The following SLC8A1 variants were observed in gnomAD, a reference collection of about 807,000 sequenced individuals.
SLC8A1 encodes the protein sodium/calcium exchanger 1.
In SLC8A1, 18 loss-of-function variants were observed where a neutral mutation model predicts 68.3. The observed-to-expected ratio is 0.26, with a 90% confidence interval of 0.18 to 0.39. The LOEUF is 0.39. Among genes scored for constraint, SLC8A1 ranks in the 10% least tolerant of loss-of-function variants. The probability of loss-of-function intolerance (pLI) is 1.00; values close to 1 mark genes in which losing one functional copy is unlikely to be tolerated. For missense variants in SLC8A1, 985 were observed against 1,156.7 expected (o/e 0.85, Z 2.15); for synonymous variants, 475 against 415.5 (o/e 1.14, Z -1.74).
chr2:40,435,183 T>C (rs970303422), intron 1 of SLC8A1, among the ~76,000 whole-genome samples: 1 of 152,204 alleles, frequency 6.6e-6, no homozygotes, highest in African/African-American at 2.4e-5. Flanking sequence ...CCCTTCTATG[T>C]AATTCTTGCT....
chr2:40,222,201 G>C (rs1318483268), intron 2 of SLC8A1, among the ~76,000 whole-genome samples: 1 of 152,106 alleles, frequency 6.6e-6, no homozygotes, highest in African/African-American at 2.4e-5. Flanking sequence ...GAACAGAACA[G>C]AGGCCTCAGA....
At chr2:40,103,506 C>CT (rs1451862519) in exon 8 of SLC8A1, 16 of 152,200 alleles carry the variant, frequency 1.1e-4, no homozygotes, top group Admixed American at 9.8e-4. Flanking sequence ...ATCTTTCTGC[C>CT]TGGTCATTGC....
intron 2 of SLC8A1, among the ~76,000 whole-genome samples, chr2:40,278,621 C>T (rs1223980385): frequency 2.0e-5 from 3 of 152,148 alleles, no homozygotes; most frequent in Admixed American, 6.5e-5. Context: ...CGACATACCT[C>T]AGTGTGAGAG....
At chr2:40,387,452 G>T (rs1480245695) in intron 2 of SLC8A1, among the ~76,000 whole-genome samples, 1 of 150,990 alleles carries the variant, frequency 6.6e-6, no homozygotes, top group Non-Finnish European at 1.5e-5. Flanking sequence ...CATAATTTTT[G>T]CAAAGCTAAT....
intron 2 of SLC8A1, among the ~76,000 whole-genome samples, chr2:40,228,420 C>A (rs764491165): frequency 6.6e-6 from 1 of 152,306 alleles, no homozygotes; most frequent in African/African-American, 2.4e-5. Flanking sequence ...TCTACATTGG[C>A]ATGACATTGG....
chr2:40,429,104 T>C, exon 2 of SLC8A1: 1 of 1,613,172 alleles, frequency 6.2e-7, no homozygotes, highest in Non-Finnish European at 8.5e-7. Flanking sequence ...ACCTCGTGCA[T>C]GCTGACAGCC....
At chr2:40,301,111 C>T (rs1033032900) in intron 2 of SLC8A1, among the ~76,000 whole-genome samples, 1 of 152,098 alleles carries the variant, frequency 6.6e-6, no homozygotes, top group African/African-American at 2.4e-5. Context: ...TTGATTTTTG[C>T]ACTAACTAGC....
chr2:40,199,576 GC>G (rs1573947199), intron 2 of SLC8A1, among the ~76,000 whole-genome samples: 1 of 151,466 alleles, frequency 6.6e-6, no homozygotes, highest in Admixed American at 6.6e-5. Flanking sequence ...AGTGTTTGTG[GC>G]AAAGATCCCT....
At chr2:40,164,866 G>A in exon 5 of SLC8A1, 1 of 1,613,840 alleles carries the variant, frequency 6.2e-7, no homozygotes, top group Non-Finnish European at 8.5e-7. Flanking sequence ...TGAATTCATA[G>A]GATTCTTCAA....
At chr2:40,432,637 G>A (rs1172415748) in intron 1 of SLC8A1, among the ~76,000 whole-genome samples, 3 of 151,946 alleles carry the variant, frequency 2.0e-5, no homozygotes, top group Non-Finnish European at 4.4e-5. Flanking sequence ...AATGTAGCAA[G>A]AGGGTAATGG....
chr2:40,485,661 A>ATTTTTTTATTT (rs1290277628), intron 1 of SLC8A1, among the ~76,000 whole-genome samples: 38 of 152,310 alleles, frequency 2.5e-4, no homozygotes, highest in South Asian at 6.2e-4. Context: ...TAAAAATGGA[A>ATTTTTTTATTT]TACTCTTAAA....
At chr2:40,416,634 C>G (rs189286899) in intron 2 of SLC8A1, among the ~76,000 whole-genome samples, 125 of 152,104 alleles carry the variant, frequency 8.2e-4, no homozygotes, top group African/African-American at 2.8e-3. Flanking sequence ...CACTGAAGTT[C>G]AGAGAAATGA....
chr2:40,507,085 T>C (rs1706417254), intron 1 of SLC8A1, among the ~76,000 whole-genome samples: 1 of 152,060 alleles, frequency 6.6e-6, no homozygotes, highest in South Asian at 2.1e-4. Context: ...TGTAAGTTAA[T>C]TGTCGAGTGG....
chr2:40,458,257 C>T (rs937090649), intron 1 of SLC8A1, among the ~76,000 whole-genome samples: 9 of 152,124 alleles, frequency 5.9e-5, no homozygotes, highest in Non-Finnish European at 1.0e-4. Context: ...GACTTACAAA[C>T]GTTTAAGTGC....
intron 6 of SLC8A1, among the ~76,000 whole-genome samples, chr2:40,151,304 G>A (rs904113881): frequency 1.3e-5 from 2 of 151,918 alleles, no homozygotes; most frequent in African/African-American, 4.8e-5. Context: ...TATATAGATT[G>A]TTTTCTAGAT....
At chr2:40,168,241 A>C (rs2148495192) in intron 4 of SLC8A1, among the ~76,000 whole-genome samples, 1 of 152,260 alleles carries the variant, frequency 6.6e-6, no homozygotes, top group Middle Eastern at 3.4e-3. Flanking sequence ...TCAGGGAAGG[A>C]AGCCTTCCTT....
intron 1 of SLC8A1, among the ~76,000 whole-genome samples, chr2:40,463,925 C>T (rs1287755688): frequency 1.3e-5 from 2 of 151,678 alleles, no homozygotes; most frequent in Non-Finnish European, 2.9e-5. Context: ...GATGGTGTCT[C>T]GCTCTGTTTC....
chr2:40,429,090 G>A (rs770938094), exon 2 of SLC8A1: 2 of 1,613,174 alleles, frequency 1.2e-6, no homozygotes, highest in South Asian at 1.1e-5. Flanking sequence ...TCACTTCAGT[G>A]TTGACCTCGT....
intron 2 of SLC8A1, among the ~76,000 whole-genome samples, chr2:40,319,302 ACT>A (rs2074895894): frequency 6.6e-6 from 1 of 151,886 alleles, no homozygotes; most frequent in Non-Finnish European, 1.5e-5. Flanking sequence ...CTCAACACTG[ACT>A]CTCTTTAATT....
Sources: allele counts gnomAD v4.1 joint callset (sites outside exome capture counted in the v4.1 genomes callset), GRCh38; gene constraint gnomAD v4.1.1; transcripts MANE v1.5; gene names NCBI Gene and HGNC (gene_info 2026-07-23, HGNC 2026-07-21).